The following MICAL1 variants were observed in gnomAD, a reference collection of about 807,000 sequenced individuals.
The protein encoded by MICAL1 is [F-actin]-monooxygenase MICAL1.
MICAL1 carries 95 observed loss-of-function variants against 131.8 expected under a neutral mutation model. The observed-to-expected ratio is 0.72, with a 90% confidence interval of 0.61 to 0.86. The LOEUF (loss-of-function observed/expected upper bound fraction) is 0.86, where lower values mean the gene tolerates loss of function less well. MICAL1 is among the 40% of genes least tolerant of loss of function. The probability of loss-of-function intolerance (pLI) is 0.00; values close to 1 mark genes in which losing one functional copy is unlikely to be tolerated. For synonymous variants in MICAL1, 546 were observed against 554.2 expected, an observed-to-expected ratio of 0.99 and a Z score of 0.21; for missense variants, 1,292 against 1,380.6, an observed-to-expected ratio of 0.94 and a Z score of 1.02.
chr6:109,444,873 T>C lies in MICAL1; in HGVS notation c.2981+23A>G, dbSNP rs201270371. ...GGCTGGAGCCTGGCCCATGGGCCAC[T>C]GTCACCATCCCCTTCCCCTTACGTG... On this transcript the variant is annotated intron_variant, in intron 23 of 24. Transcript: ENST00000358807. The C allele has an allele frequency of 3.8e-4, 618 of 1,613,938 alleles. 9 individuals carry two copies. The East Asian group carries it at 6.6e-3, about 17-fold the overall frequency.
chr6:109,450,885 T>C (rs1441082674), intron 7 of MICAL1, among the ~76,000 whole-genome samples: 1 of 152,208 alleles, frequency 6.6e-6, no homozygotes, highest in Non-Finnish European at 1.5e-5. Context: ...AGGGTACTCA[T>C]GAGAATTAGA....
chr6:109,458,024 T>C (rs1337823669), upstream of MICAL1, among the ~76,000 whole-genome samples: 1 of 151,902 alleles, frequency 6.6e-6, no homozygotes, highest in Non-Finnish European at 1.5e-5. Context: ...CTCAGCCTTC[T>C]CAGCCCATTT....
Position 109,454,180 on chromosome 6 carries a change from G to A in MICAL1, c.17C>T (p.Ser6Phe), listed in dbSNP as rs751047391. 2.5e-6 allele frequency: 4 copies of A among 1,603,484 alleles called. No homozygotes were observed. The South Asian group carries it at 3.3e-5, about 13-fold the overall frequency. Reference sequence around the variant, plus strand: ...AAAGTGGGCATGCGCTGGGTTGGTGGAGGTAGGTGAAGCCATGGAGGCCTC... The same window carrying A: ...AAAGTGGGCATGCGCTGGGTTGGTGAAGGTAGGTGAAGCCATGGAGGCCTC... Reference protein sequence around the residue: MASPTSTNPAHAHFES... With the variant: MASPTFTNPAHAHFES... Residue 6 changes from serine (S) to phenylalanine (F), a missense_variant, in exon 2 of 25, where the codon TCC becomes TTC. By Grantham distance (155) the Ser-to-Phe change is radical (BLOSUM62 -2). Coordinates refer to ENST00000358807, the MANE Select transcript of MICAL1 (RefSeq NM_022765.4).
At chr6:109,449,253 A>G (rs1397864018) in intron 11 of MICAL1, 147 bp downstream of exon 11, 1 of 864,322 alleles carries the variant, frequency 1.2e-6, no homozygotes, top group Non-Finnish European at 1.9e-6. Flanking sequence ...CCGTTCCTCC[A>G]GCAGGCCCCC....
At chr6:109,448,019 A>C in intron 13 of MICAL1, 56 bp from the exon 14 acceptor site, 1 of 1,479,378 alleles carries the variant, frequency 6.8e-7, no homozygotes. Context: ...CTGTACTCTC[A>C]GAACAGACAG....
chr6:109,455,600 A>G lies in MICAL1; in HGVS notation c.-44+119T>C. On this transcript the variant is annotated intron_variant, in intron 1 of 24. Transcript: ENST00000358807. The surrounding 1 kb of genome is among the most constrained non-coding windows in gnomAD (Gnocchi z 4.7). ...GTGAGCAGGGCTGGGCTGAGGGAAG[A>G]CCTGCCTGACCTGCCAGGCGTGGTT... 1.5e-6 allele frequency: 1 copy of G among 651,228 alleles called. No homozygotes were observed. Among genetic ancestry groups the G allele is most frequent in the Non-Finnish European group, 1.9e-6 (1 of 523,870 alleles). 40.3% of individuals were successfully genotyped at this position (651,228 alleles called of 1,614,324 possible).
chr6:109,448,792 G>A lies in MICAL1; in HGVS notation c.1604C>T (p.Ser535Phe). ...YPGVHVSDLS[S>F]SWADGLALCA... ...CAGAGCTAGCCCATCAGCCCAGGAGGAAGACAAATCGGAGACGTGGACTCC... is the reference window on the plus strand; with the variant it reads ...CAGAGCTAGCCCATCAGCCCAGGAGAAAGACAAATCGGAGACGTGGACTCC... The change falls in exon 12 of 25, where the codon TCC (serine) becomes TTC (phenylalanine). Residue 535 changes from serine to phenylalanine, a missense_variant. Transcript: ENST00000358807. 6.2e-7 allele frequency: 1 copy of A among 1,614,114 alleles called. No homozygotes were observed. The highest frequency in any genetic ancestry group is 8.5e-7 in the Non-Finnish European group (1 of 1,180,014).
chr6:109,445,603 G>A (rs1775177743), intron 20 of MICAL1, 74 bp from the exon 21 acceptor site: 33 of 1,575,522 alleles, frequency 2.1e-5, no homozygotes, highest in Non-Finnish European at 2.9e-5. Context: ...TGGAAAGGCA[G>A]AAAATAACCC....
At chr6:109,451,979 G>A in intron 6 of MICAL1, 1 of 1,389,674 alleles carries the variant, frequency 7.2e-7, no homozygotes, top group Non-Finnish European at 9.3e-7. Flanking sequence ...AAAGTAAACA[G>A]AGGCACCTTC....
chr6:109,448,215 C>T lies in MICAL1; in HGVS notation c.1843G>A (p.Ala615Thr), dbSNP rs1294567895. The T allele has an allele frequency of 4.3e-6, 7 of 1,612,052 alleles. No homozygotes were observed. The highest frequency in any genetic ancestry group is 5.9e-6 in the Non-Finnish European group (7 of 1,179,888). The change falls in exon 13 of 25, where the codon GCC becomes ACC. Residue 615 changes from alanine (A) to threonine (T), a missense_variant. Transcript: ENST00000358807. Reference sequence around the variant, plus strand: ...TCCTTCAGGTCACCTGGGCTGTGGGCCATGCTCTTGAAGGCACTGTGGAAG... The same window carrying T: ...TCCTTCAGGTCACCTGGGCTGTGGGTCATGCTCTTGAAGGCACTGTGGAAG... ...SHFHSAFKSM[A>T]HSPGPVSQAS...
intron 12 of MICAL1, 110 bp from the exon 13 acceptor site, chr6:109,448,503 A>G: frequency 7.4e-7 from 1 of 1,355,498 alleles, no homozygotes; most frequent in Non-Finnish European, 1.0e-6. Context: ...GGGTACAAGA[A>G]GGCTTGAAGG....
At chr6:109,445,697 G>A in intron 20 of MICAL1, 74 bp downstream of exon 20, 2 of 1,539,842 alleles carry the variant, frequency 1.3e-6, no homozygotes, top group South Asian at 1.2e-5. Flanking sequence ...CAAGAGAAGG[G>A]TGCAGTGGAC....
At chr6:109,451,766 C>T in intron 6 of MICAL1, 66 bp from the exon 7 acceptor site, 1 of 1,590,958 alleles carries the variant, frequency 6.3e-7, no homozygotes, top group Admixed American at 1.7e-5. Context: ...CCTAAACATC[C>T]CAACATGGCC....
chr6:109,446,923 C>T, intron 17 of MICAL1, 150 bp downstream of exon 17: 1 of 1,240,698 alleles, frequency 8.1e-7, no homozygotes, highest in Admixed American at 2.0e-5. Flanking sequence ...ACATCTGGAG[C>T]TTTGCAGGGG....
At position 109,455,365 on chromosome 6, in the gene MICAL1, T is replaced by G. The variant is rs1312741327; in HGVS notation, c.-44+354A>C. Among the ~76,000 whole-genome samples, 1 of 151,742 alleles carries G rather than the reference T, an allele frequency of 6.6e-6. No individual in the cohort carries two copies. The highest frequency in any genetic ancestry group is 2.4e-5 in the African/African-American group (1 of 41,306). ...GGCCCGGACGAGGGCAGACGGAATC[T>G]CATGACGGAAGGGCAAAGATCTTTC... On this transcript the variant is annotated intron_variant, in intron 1 of 24. Coordinates refer to ENST00000358807, the MANE Select transcript of MICAL1 (RefSeq NM_022765.4). The surrounding 1 kb of genome is among the most constrained non-coding windows in gnomAD (Gnocchi z 4.7).
At chr6:109,464,285 A>G (rs1775980121) in intron 1 of MICAL1, 1 of 152,210 alleles carries the variant, frequency 6.6e-6, no homozygotes, top group Admixed American at 6.5e-5. Context: ...ATATGCAACC[A>G]AAATGTTTTT....
chr6:109,460,445 GA>G (rs1313110864), upstream of MICAL1, among the ~76,000 whole-genome samples: 1 of 127,250 alleles, frequency 7.9e-6, no homozygotes, highest in Admixed American at 7.8e-5. Flanking sequence ...AAAAAAAAAA[GA>G]AATGTAATCG....
chr6:109,459,757 C>G (rs1039120397), upstream of MICAL1, among the ~76,000 whole-genome samples: 2 of 152,164 alleles, frequency 1.3e-5, no homozygotes, highest in African/African-American at 4.8e-5. Flanking sequence ...ACTGCCTTTG[C>G]CCTTCAAACA....
chr6:109,450,265 A>T, intron 8 of MICAL1, 35 bp downstream of exon 8: 1 of 1,589,736 alleles, frequency 6.3e-7, no homozygotes, highest in Non-Finnish European at 8.6e-7. Flanking sequence ...TCCCTCCCCT[A>T]ACCATGAAAC....
Sources: gnomAD v4.1 joint callset for allele counts (sites outside exome capture counted in the v4.1 genomes callset) on GRCh38, gnomAD v4.1.1 for gene constraint, Gnocchi (gnomAD v3.1) non-coding constraint, MANE v1.5 for transcripts, NCBI Gene and HGNC (gene_info 2026-07-23, HGNC 2026-07-21) for gene names.